The following DNAH17 variants were observed in gnomAD, a reference collection of about 807,000 sequenced individuals.
DNAH17 encodes dynein axonemal heavy chain 17.
In DNAH17, 376 loss-of-function variants were observed where a neutral mutation model predicts 485.6. The ratio of observed to expected loss-of-function variants is 0.77; its 90% CI spans 0.71 to 0.84. DNAH17 has a LOEUF of 0.84. DNAH17 is among the 40% of genes least tolerant of loss of function. DNAH17 has a pLI of 0.00. For missense variants in DNAH17, 6,370 were observed against 5,839.3 expected, an observed-to-expected ratio of 1.09 and a Z score of -2.96; for synonymous variants, 3,031 against 2,405.9, an observed-to-expected ratio of 1.26 and a Z score of -7.60.
chr17:78,566,926 A>T (rs1443065039), intron 10 of DNAH17, 73 bp downstream of exon 10: 11 of 1,514,420 alleles, frequency 7.3e-6, no homozygotes, highest in Non-Finnish European at 9.8e-6. Flanking sequence ...CTCCCATCAC[A>T]CCCCTAAGCT....
rs376210967 is a variant in DNAH17 at position 78,463,042 on chromosome 17, G to A, written c.8976C>T (p.Ser2992=). The change falls in exon 57 of 81, where the codon TCC becomes TCT. Residue 2992 remains serine (S), a synonymous_variant. Transcript: ENST00000389840. ...TCTCGTTGACGGTGGTGTGCACGTA[G>A]GACATGAAGAAGCTGATGGAGGCCT... The part of the protein sequence containing the change: ...EVKASISFFM[S]YVHTTVNEMS... The A allele has an allele frequency of 1.2e-6, 2 of 1,613,778 alleles. No individual in the cohort carries two copies. Among genetic ancestry groups the A allele is most frequent in the Non-Finnish European group, 8.5e-7 (1 of 1,179,884 alleles).
At position 78,475,654 on chromosome 17, in the gene DNAH17, C is replaced by T; in HGVS notation, c.8319+15G>A. 1 of 1,613,148 alleles carries T rather than the reference C, an allele frequency of 6.2e-7. No individual in the cohort carries two copies. Among genetic ancestry groups the T allele is most frequent in the Non-Finnish European group, 8.5e-7 (1 of 1,179,534 alleles). ...CCAGGTCCCGTGCCCTTGCTATCAG[C>T]TCCAGCCTGCTCACCAAATTCATGA... On this transcript the variant is annotated intron_variant, in intron 53 of 80. Transcript: ENST00000389840.
At chr17:78,561,608 A>C in intron 12 of DNAH17, 107 bp downstream of exon 12, 1 of 1,340,226 alleles carries the variant, frequency 7.5e-7, no homozygotes. Flanking sequence ...GGGAGGTAAC[A>C]GTCTGGTCGA....
At chr17:78,550,892 G>A (rs2091887495) in intron 16 of DNAH17, among the ~76,000 whole-genome samples, 1 of 152,162 alleles carries the variant, frequency 6.6e-6, no homozygotes. Context: ...CCTTTCTGAG[G>A]AAATTGCGTG....
In DNAH17 at chr17:78,544,800, C is replaced by CAAAAAAAAAAAAAAAAAAAAAA. The variant is rs55669221; in HGVS notation, c.2392-825_2392-804dup. 3.1e-3 allele frequency among the ~76,000 whole-genome samples: 147 copies of CAAAAAAAAAAAAAAAAAAAAAA among 46,852 alleles called. 11 individuals are homozygous for CAAAAAAAAAAAAAAAAAAAAAA. Among genetic ancestry groups the CAAAAAAAAAAAAAAAAAAAAAA allele is most frequent in the East Asian group, 6.8e-3 (11 of 1,624 alleles). 30.7% of individuals were successfully genotyped at this position (46,852 alleles called of 152,430 possible). A position where few individuals can be genotyped will look rare whatever the true frequency, so the allele number is the denominator to read the frequency against. On this transcript the variant is annotated intron_variant, in intron 16 of 80. Transcript: ENST00000389840. The stretch of plus-strand genomic sequence containing the variant: ...TGGGGCACAGAGCGAGACTCAGTCT[C>CAAAAAAAAAAAAAAAAAAAAAA]AAAAAAAAAAAAAAAAAAAAAAAAG...
chr17:78,502,462 G>A (rs765400522), intron 33 of DNAH17, 129 bp downstream of exon 33: 25 of 862,244 alleles, frequency 2.9e-5, no homozygotes, highest in Middle Eastern at 2.3e-4. Flanking sequence ...ACGGTTTTGC[G>A]GGGCTCAGCC....
rs560348238 is a variant in DNAH17 at position 78,480,272 on chromosome 17, C to G, written c.7752+412G>C. 7.9e-5 allele frequency among the ~76,000 whole-genome samples: 12 copies of G among 151,914 alleles called. 1 individual carries two copies. In the East Asian group the frequency reaches 2.3e-3, roughly 29 times the overall value. On this transcript the variant is annotated intron_variant, in intron 49 of 80. Coordinates refer to ENST00000389840, the MANE Select transcript of DNAH17 (RefSeq NM_173628.4). ...GCTGAGGCAGGAGAATTGCTTAAAC[C>G]CGGGAAGCGGAGGTTGCAGTGAGCT...
chr17:78,559,646 C>T (rs772656761), intron 13 of DNAH17, among the ~76,000 whole-genome samples: 2 of 152,300 alleles, frequency 1.3e-5, no homozygotes, highest in South Asian at 2.1e-4. Flanking sequence ...CACCTCACAG[C>T]GTGGAGAAGG....
In DNAH17 at chr17:78,475,757, T is replaced by C. The variant is rs2088985614; in HGVS notation, c.8231A>G (p.Tyr2744Cys). 6.2e-7 allele frequency: 1 copy of C among 1,613,880 alleles called. No homozygotes were observed. The highest frequency in any genetic ancestry group is 8.5e-7 in the Non-Finnish European group (1 of 1,179,856). The change falls in exon 53 of 81, where the codon TAT becomes TGT. Residue 2744 changes from tyrosine to cysteine, a missense_variant. Transcript: ENST00000389840. The part of the protein sequence containing the change: ...HFAQGIGDPK[Y>C]VPVTDMAPLN... The stretch of plus-strand genomic sequence containing the variant: ...AGGAGCCATGTCGGTTACAGGAACA[T>C]ATTTGGGATCGCCAATCCCTTGAGC...
In DNAH17 at chr17:78,501,742, C is replaced by T; in HGVS notation, c.5322G>A (p.Lys1774=). Residue 1774 remains lysine (K), a splice_region_variant and synonymous_variant, in exon 34 of 81, where the codon AAG becomes AAA. Transcript: ENST00000389840. ...RDVVAKMIVA[K]VESSQAFTWQ... ...GCCCCTGGGACAGGGGCGCTCATGC[C>T]TTGGCCACGATCATTTTGGCCACCA... is the stretch of plus-strand genomic sequence containing the variant. 1 of 1,612,764 alleles carries T rather than the reference C, an allele frequency of 6.2e-7. No individual in the cohort carries two copies. Among genetic ancestry groups the T allele is most frequent in the South Asian group, 1.1e-5 (1 of 91,080 alleles).
At chr17:78,569,606 C>T (rs1354398811) in intron 7 of DNAH17, 79 bp from the exon 8 acceptor site, 4 of 1,493,134 alleles carry the variant, frequency 2.7e-6, no homozygotes, top group Non-Finnish European at 3.6e-6. Flanking sequence ...CCTGCAGGAC[C>T]TGTGATCTGT....
At chr17:78,563,295 A>G (rs2092197378) in intron 11 of DNAH17, among the ~76,000 whole-genome samples, 1 of 152,180 alleles carries the variant, frequency 6.6e-6, no homozygotes, top group African/African-American at 2.4e-5. Flanking sequence ...TCAGGCAGAC[A>G]TGGAAACGCT....
chr17:78,483,270 G>A (rs1053220992), intron 48 of DNAH17, among the ~76,000 whole-genome samples: 6 of 152,178 alleles, frequency 3.9e-5, no homozygotes, highest in African/African-American at 1.2e-4. Flanking sequence ...TCCTATAGTC[G>A]TGAGCTCTGG....
intron 17 of DNAH17, among the ~76,000 whole-genome samples, chr17:78,542,310 G>A (rs1313371885): frequency 1.3e-5 from 2 of 151,906 alleles, no homozygotes; most frequent in Admixed American, 1.3e-4. Context: ...ACTATACCTG[G>A]CTAATTTTTG....
intron 57 of DNAH17, 77 bp downstream of exon 57, chr17:78,462,767 A>G: frequency 1.4e-6 from 2 of 1,445,900 alleles, no homozygotes; most frequent in South Asian, 2.4e-5. Context: ...CAGCCCGTGG[A>G]TGCCTGTGAC....
intron 16 of DNAH17, among the ~76,000 whole-genome samples, chr17:78,548,228 A>G (rs372873751): frequency 5.4e-4 from 24 of 44,190 alleles, no homozygotes; most frequent in African/African-American, 2.0e-3. Flanking sequence ...TTTTGGAGAC[A>G]GAGTCTTGCT....
intron 60 of DNAH17, 122 bp downstream of exon 60, chr17:78,459,662 G>C (rs939439434): frequency 9.3e-5 from 98 of 1,049,470 alleles, no homozygotes; most frequent in Non-Finnish European, 1.3e-4. Context: ...TGGGGAAGGG[G>C]CTGCCTAGAT....
chr17:78,569,536 AAG>A lies in DNAH17; in HGVS notation c.1045-11_1045-10del. 3 of 1,599,000 alleles carry A rather than the reference AAG, an allele frequency of 1.9e-6. No individual in the cohort carries two copies. Among genetic ancestry groups the A allele is most frequent in the Non-Finnish European group, 1.7e-6 (2 of 1,173,132 alleles). ...CTCAGGAAGGTTCGTGTCTGGGCAA[AAG>A]AGAAGACAGACATCTAAAGCTCCGA... On this transcript the variant is annotated splice_polypyrimidine_tract_variant and intron_variant, in intron 7 of 80. Coordinates refer to ENST00000389840, the MANE Select transcript of DNAH17 (RefSeq NM_173628.4).
In DNAH17 at chr17:78,537,557, A is replaced by G. The variant is rs1047859996; in HGVS notation, c.2677-76T>C. On this transcript the variant is annotated intron_variant, in intron 18 of 80. Coordinates refer to ENST00000389840, the MANE Select transcript of DNAH17 (RefSeq NM_173628.4). ...ATGATTCTCAGTGCCCTGATCATCC[A>G]CTCCGTACCATCAATGTGTCACTGC... The G allele has an allele frequency of 2.7e-6, 4 of 1,476,404 alleles. No individual in the cohort carries two copies. The African/African-American group carries it at 5.5e-5, about 20-fold the overall frequency. 91.5% of individuals were successfully genotyped at this position (1,476,404 alleles called of 1,614,324 possible). A position where few individuals can be genotyped will look rare whatever the true frequency, so the allele number is the denominator to read the frequency against.
Sources: gnomAD v4.1 joint callset for allele counts (sites outside exome capture counted in the v4.1 genomes callset) on GRCh38, gnomAD v4.1.1 for gene constraint, MANE v1.5 for transcripts, NCBI Gene and HGNC (gene_info 2026-07-23, HGNC 2026-07-21) for gene names.